Variants in MYH3 observed in about 807,000 individuals in gnomAD.
MYH3 encodes the protein myosin-3.
Under a neutral mutation model 238.0 loss-of-function variants are expected in MYH3, and 130 were observed. The observed-to-expected ratio is 0.55, with a 90% CI of 0.47 to 0.63. MYH3 has a LOEUF of 0.63. MYH3 is among the 30% of genes least tolerant of loss of function. MYH3 has a pLI of 0.00. For synonymous variants in MYH3, 880 were observed against 924.1 expected (o/e 0.95, Z 0.86); for missense variants, 1,853 against 2,374.9 (o/e 0.78, Z 4.57).
At chr17:10,663,734 G>A in the MYH3 span, among the ~76,000 whole-genome samples, 1 of 149,002 alleles carries the variant, frequency 6.7e-6, no homozygotes, top group Non-Finnish European at 1.5e-5. Flanking sequence ...TGGTATATGT[G>A]TCACCTATTC....
At chr17:10,650,194 C>T (rs925610000) in intron 6 of MYH3, among the ~76,000 whole-genome samples, 180 bp downstream of exon 6, 22 of 152,008 alleles carry the variant, frequency 1.4e-4, no homozygotes, top group African/African-American at 4.6e-4. Context: ...CCAGGATGGT[C>T]TCGATCTCCT....
chr17:10,634,721 G>T lies in MYH3; in HGVS notation c.4356+119C>A, dbSNP rs140232982. The T allele has an allele frequency of 1.2e-4, 157 of 1,258,306 alleles. No individual in the cohort carries two copies. The African/African-American group carries it at 1.8e-3, about 15-fold the overall frequency. 77.9% of individuals were successfully genotyped at this position (1,258,306 alleles called of 1,614,324 possible). A position where few individuals can be genotyped will look rare whatever the true frequency, so the allele number is the denominator to read the frequency against. On this transcript the variant is annotated intron_variant, in intron 31 of 40. Coordinates refer to ENST00000583535, the MANE Select transcript of MYH3 (RefSeq NM_002470.4). ...ACAGCCCGGTGAAGTTCAGGGACTT[G>T]CCCAAGGCCACACTGCTGGTGAGGG...
At chr17:10,645,903 C>G in intron 11 of MYH3, 26 bp downstream of exon 11, 1 of 1,613,664 alleles carries the variant, frequency 6.2e-7, no homozygotes, top group South Asian at 1.1e-5. Context: ...GGAGGAACAC[C>G]CACCCCTTCT....
chr17:10,662,927 A>G, the MYH3 span, among the ~76,000 whole-genome samples: 1 of 152,088 alleles, frequency 6.6e-6, no homozygotes, highest in Non-Finnish European at 1.5e-5. Flanking sequence ...TATCTGCTAA[A>G]AACACAAAAA....
chr17:10,647,276 A>G lies in MYH3; in HGVS notation c.804T>C (p.Leu268=). ...GGAAAGTGACTCTTGATTTTTCCAG[A>G]AGATCTGGAACACAAACACAGGACT... The part of the protein sequence containing the change: ...KLASADIETY[L]LEKSRVTFQL... The change falls in exon 10 of 41, where the codon CTT becomes CTC. Residue 268 remains leucine, a synonymous_variant. Transcript: ENST00000583535. The G allele has an allele frequency of 1.2e-6, 2 of 1,614,082 alleles. No homozygotes were observed. The highest frequency in any genetic ancestry group is 1.7e-6 in the Non-Finnish European group (2 of 1,179,966).
At chr17:10,663,095 A>G in the MYH3 span, among the ~76,000 whole-genome samples, 1 of 151,158 alleles carries the variant, frequency 6.6e-6, no homozygotes, top group African/African-American at 2.4e-5. Context: ...TCAAAATAAA[A>G]TAAAGTAAAA....
At chr17:10,662,995 G>A in the MYH3 span, among the ~76,000 whole-genome samples, 1 of 152,074 alleles carries the variant, frequency 6.6e-6, no homozygotes, top group African/African-American at 2.4e-5. Flanking sequence ...GCTGAGGCAG[G>A]AGAATCACTT....
rs771412794 is a variant in MYH3, at chr17:10,642,639, G to C, written c.1666C>G (p.Gln556Glu). 2 of 1,614,222 alleles carry C rather than the reference G, an allele frequency of 1.2e-6. No individual in the cohort carries two copies. Among genetic ancestry groups the C allele is most frequent in the Non-Finnish European group, 1.7e-6 (2 of 1,180,044 alleles). ...DTSFKNKLYD[Q>E]HLGKSNNFQK... Reference sequence around the variant, plus strand: ...AAGTTGTTGGACTTTCCAAGATGCTGGTCATACAGCTTGTTCTTGAAGGAG... The same window carrying C: ...AAGTTGTTGGACTTTCCAAGATGCTCGTCATACAGCTTGTTCTTGAAGGAG... The change falls in exon 16 of 41, where the codon CAG becomes GAG. Residue 556 changes from glutamine to glutamate, a missense_variant. Around this residue, in one of 3 missense-constraint regions of MYH3, gnomAD observed 678 missense variants for 1,058.9 expected, o/e 0.64. Coordinates refer to ENST00000583535, the MANE Select transcript of MYH3 (RefSeq NM_002470.4). The surrounding 1 kb of genome is among the most constrained non-coding windows in gnomAD (Gnocchi z 5.4).
rs1398601233 is a variant in MYH3, at chr17:10,639,719, C to A, written c.2766G>T (p.Glu922Asp). The change falls in exon 23 of 41, where the codon GAG becomes GAT. Residue 922 changes from glutamate (E) to aspartate (D), a missense_variant. Physicochemically the swap from Glu to Asp is conservative, Grantham distance 45 (BLOSUM62 2). This residue lies in a region of MYH3 where 678 missense variants were observed against 1,058.9 expected (regional missense o/e 0.64). Coordinates refer to ENST00000583535, the MANE Select transcript of MYH3 (RefSeq NM_002470.4). ...CCTCATCTTCAGCTCTCTCTGTCAC[C>A]TCCTTGATCTTGGCCTCGAGCTGGA... ...AKFQLEAKIK[E>D]VTERAEDEEE... 1.9e-6 allele frequency: 3 copies of A among 1,613,908 alleles called. No individual in the cohort carries two copies. The highest frequency in any genetic ancestry group is 1.3e-5 in the African/African-American group (1 of 74,880).
the MYH3 span, among the ~76,000 whole-genome samples, chr17:10,671,162 G>A: frequency 1.3e-5 from 2 of 152,154 alleles, no homozygotes; most frequent in Admixed American, 6.5e-5. Context: ...TAAAGTGCTG[G>A]GATTACAGGC....
rs2074409940 is a variant in MYH3 at position 10,654,567 on chromosome 17, C to T, written c.204+294G>A. On this transcript the variant is annotated intron_variant, in intron 3 of 40. Coordinates refer to ENST00000583535, the MANE Select transcript of MYH3 (RefSeq NM_002470.4). The surrounding 1 kb of genome is among the most constrained non-coding windows in gnomAD (Gnocchi z 4.5). Reference sequence around the variant, plus strand: ...TCATGTTGAACTCCCAACTCCACACCCTTGGGACACGTGGAGCTGGGCCCC... The same window carrying T: ...TCATGTTGAACTCCCAACTCCACACTCTTGGGACACGTGGAGCTGGGCCCC... Among the ~76,000 whole-genome samples the T allele has an allele frequency of 6.6e-6, 1 of 152,232 alleles. No homozygotes were observed. Among genetic ancestry groups the T allele is most frequent in the South Asian group, 2.1e-4 (1 of 4,832 alleles).
In MYH3 at chr17:10,654,743, C is replaced by T. The variant is rs145236743; in HGVS notation, c.204+118G>A. On this transcript the variant is annotated intron_variant, in intron 3 of 40. Coordinates refer to ENST00000583535, the MANE Select transcript of MYH3 (RefSeq NM_002470.4). This position sits in a 1 kb window ranked among gnomAD's most constrained non-coding sequence, Gnocchi z 4.5. ...GGGAAGCCCCAGGCTACATTGTATG[C>T]GGCATTCCAGTGCTGGAACCACATC... The T allele has an allele frequency of 7.6e-4, 717 of 940,242 alleles. 7 individuals are homozygous for T. The African/African-American group carries it at 9.8e-3, about 13-fold the overall frequency. 58.2% of individuals were successfully genotyped at this position (940,242 alleles called of 1,614,324 possible).
rs367733140 is a variant in MYH3 at position 10,629,430 on chromosome 17, C to T, written c.5796+167G>A. Among the ~76,000 whole-genome samples, 26 of 152,288 alleles carry T rather than the reference C, an allele frequency of 1.7e-4. 1 individual carries two copies. The East Asian group carries it at 2.9e-3, about 17-fold the overall frequency. On this transcript the variant is annotated intron_variant, in intron 40 of 40. Coordinates refer to ENST00000583535, the MANE Select transcript of MYH3 (RefSeq NM_002470.4). ...GGATGGCGGTTTTTATTGTGACTCA[C>T]AGACCAGGATTCTAGCGAGGGTCCA...
chr17:10,631,819 A>G lies in MYH3; in HGVS notation c.5154T>C (p.His1718=). Residue 1718 remains histidine (H), a synonymous_variant, in exon 35 of 41, where the codon CAT becomes CAC. Transcript: ENST00000583535. ...TTCCTCTCCCTCCCCTCACCTGGGT[A>G]TGCAGCAGCTGCACCCTCTCGTTGG... is the stretch of plus-strand genomic sequence containing the variant. ...LDSNERVQLL[H]TQNTSLIHTK... The G allele has an allele frequency of 6.2e-7, 1 of 1,614,032 alleles. No homozygotes were observed. The highest frequency in any genetic ancestry group is 8.5e-7 in the Non-Finnish European group (1 of 1,180,000).
chr17:10,669,971 TGATTTA>T, the MYH3 span, among the ~76,000 whole-genome samples: 2 of 152,272 alleles, frequency 1.3e-5, no homozygotes, highest in African/African-American at 4.8e-5. Flanking sequence ...TCTGATTCTG[TGATTTA>T]AGGCACAAGA....
At chr17:10,639,938 A>G (rs2074253018) in intron 22 of MYH3, 58 bp downstream of exon 22, 3 of 1,592,196 alleles carry the variant, frequency 1.9e-6, no homozygotes, top group East Asian at 2.2e-5. Context: ...CAATTTTTCT[A>G]AATAAATAAT....
intron 4 of MYH3, 131 bp downstream of exon 4, chr17:10,652,289 T>G: frequency 2.6e-6 from 3 of 1,168,838 alleles, no homozygotes; most frequent in South Asian, 1.2e-5. Context: ...TCCTCCGTCT[T>G]TGTGTTTTGT....
chr17:10,629,355 G>A lies in MYH3; in HGVS notation c.5796+242C>T, dbSNP rs547291341. Among the ~76,000 whole-genome samples the A allele has an allele frequency of 2.6e-5, 4 of 152,174 alleles. No individual in the cohort carries two copies. In the East Asian group the frequency reaches 5.8e-4, roughly 22 times the overall value. ...TCATCCATGTCCCTGCAAAGGACAT[G>A]ATATCATTCTTTTTTATGGCTGCAT... is the stretch of plus-strand genomic sequence containing the variant. On this transcript the variant is annotated intron_variant, in intron 40 of 40. Transcript: ENST00000583535.
At chr17:10,671,924 T>C in the MYH3 span, among the ~76,000 whole-genome samples, 81 of 152,322 alleles carry the variant, frequency 5.3e-4, no homozygotes, top group Middle Eastern at 3.4e-3. Flanking sequence ...TTTTATTTCC[T>C]TATGAATTTG....
Sources: gnomAD v4.1 joint callset for allele counts (sites outside exome capture counted in the v4.1 genomes callset) on GRCh38, gnomAD v4.1.1 for gene constraint, gnomAD v4.1.1 regional missense constraint, Gnocchi (gnomAD v3.1) non-coding constraint, MANE v1.5 for transcripts, NCBI Gene and HGNC (gene_info 2026-07-23, HGNC 2026-07-21) for gene names.